The following CTNND1 variants were observed in gnomAD, a reference collection of about 807,000 sequenced individuals.
The protein encoded by CTNND1 is catenin delta 1, also known as catenin delta-1.
CTNND1 carries 16 observed loss-of-function variants against 112.1 expected under a neutral mutation model. The observed-to-expected ratio is 0.14, with a 90% CI of 0.10 to 0.22. The LOEUF is 0.22. Ranked by LOEUF, CTNND1 falls within the 10% of genes least tolerant of loss-of-function variation. The pLI is 1.00. For synonymous variants in CTNND1, 420 were observed against 446.5 expected (o/e 0.94, Z 0.75); for missense variants, 1,008 against 1,257.0 (o/e 0.80, Z 3.00).
intron 3 of CTNND1, among the ~76,000 whole-genome samples, chr11:57,792,732 T>C (rs1565326078): frequency 6.6e-6 from 1 of 152,132 alleles, no homozygotes; most frequent in Non-Finnish European, 1.5e-5. Context: ...GGTTTCACCA[T>C]GTTGGCCAGG....
chr11:57,778,330 T>G (rs1345724117), intron 1 of CTNND1, among the ~76,000 whole-genome samples: 1 of 152,148 alleles, frequency 6.6e-6, no homozygotes, highest in African/African-American at 2.4e-5. Flanking sequence ...AAAGTAGTTC[T>G]CCAAATGGGA....
chr11:57,802,244 G>A (rs755413054), intron 7 of CTNND1, 48 bp downstream of exon 7: 1 of 1,476,476 alleles, frequency 6.8e-7, no homozygotes, highest in Non-Finnish European at 9.2e-7. Context: ...TTACTCTCTA[G>A]TGATGTTGAG....
At position 57,806,540 on chromosome 11, in the gene CTNND1, C is replaced by G; in HGVS notation, c.1894+62C>G. The G allele has an allele frequency of 2.8e-6, 4 of 1,424,626 alleles. No homozygotes were observed. In the South Asian group the frequency reaches 4.9e-5, roughly 17 times the overall value. 88.2% of individuals were successfully genotyped at this position (1,424,626 alleles called of 1,614,324 possible). A position where few individuals can be genotyped will look rare whatever the true frequency, so the allele number is the denominator to read the frequency against. ...ATTTGCATGTTTTGATTTTAGCTTC[C>G]CTAGTATGTCCTTGCCTAACCTTTC... On this transcript the variant is annotated intron_variant, in intron 11 of 20. Transcript: ENST00000399050.
At chr11:57,793,962 C>T in intron 3 of CTNND1, 48 bp from the exon 4 acceptor site, 2 of 1,588,676 alleles carry the variant, frequency 1.3e-6, no homozygotes, top group Non-Finnish European at 1.7e-6. Flanking sequence ...TTTGATAGAG[C>T]AAAAGAAGGC....
At chr11:57,814,047 G>A (rs2063673268) in intron 17 of CTNND1, 2 of 374,174 alleles carry the variant, frequency 5.3e-6, no homozygotes, top group Non-Finnish European at 9.8e-6. Flanking sequence ...AGGTGTGATG[G>A]CTCACACCTG....
intron 1 of CTNND1, among the ~76,000 whole-genome samples, chr11:57,775,077 A>AG (rs1953822629): frequency 6.6e-6 from 1 of 150,548 alleles, no homozygotes; most frequent in Non-Finnish European, 1.5e-5. Flanking sequence ...ACTGATGTAG[A>AG]GGGGGGATTT....
chr11:57,784,911 T>C (rs567369344), intron 1 of CTNND1, among the ~76,000 whole-genome samples: 36 of 152,328 alleles, frequency 2.4e-4, no homozygotes, highest in African/African-American at 8.4e-4. Context: ...ACCCAAAGAT[T>C]GGTGAACTTC....
chr11:57,795,830 C>T (rs2136893955), intron 5 of CTNND1, 101 bp downstream of exon 5: 4 of 1,189,332 alleles, frequency 3.4e-6, no homozygotes, highest in Non-Finnish European at 4.5e-6. Context: ...ACTGATATGC[C>T]ATTATTGATC....
chr11:57,797,842 CAAA>C (rs771815069), intron 6 of CTNND1, among the ~76,000 whole-genome samples: 2 of 68,912 alleles, frequency 2.9e-5, no homozygotes, highest in Admixed American at 1.9e-4. Context: ...AACTCCACCT[CAAA>C]AAAAAAAAAA....
At chr11:57,776,592 C>T (rs1954286020) in intron 1 of CTNND1, among the ~76,000 whole-genome samples, 2 of 152,128 alleles carry the variant, frequency 1.3e-5, no homozygotes, top group Non-Finnish European at 2.9e-5. Context: ...AGGTCTTGGG[C>T]CCTCCAGAGG....
At chr11:57,806,722 A>G (rs944900825) in intron 11 of CTNND1, 193 bp from the exon 12 acceptor site, 12 of 631,876 alleles carry the variant, frequency 1.9e-5, no homozygotes, top group South Asian at 1.6e-4. Flanking sequence ...CATCTTACCT[A>G]TCTGCTGCCT....
In CTNND1 at chr11:57,796,630, C is replaced by A. The variant is rs767933605; in HGVS notation, c.594C>A (p.Gly198=). The change falls in exon 6 of 21, where the codon GGC becomes GGA. Residue 198 remains glycine (G), a synonymous_variant. Coordinates refer to ENST00000399050, the MANE Select transcript of CTNND1 (RefSeq NM_001085458.2). ...CTGGTCCCTATGTGGGGCAAGCTGG[C>A]ACTGCTACCCTTCCTAGGAACTTCC... ...GGPGPYVGQA[G]TATLPRNFHY... 1.2e-6 allele frequency: 2 copies of A among 1,614,036 alleles called. No individual in the cohort carries two copies. Among genetic ancestry groups the A allele is most frequent in the Non-Finnish European group, 1.7e-6 (2 of 1,179,902 alleles).
At chr11:57,784,024 A>G (rs904654873) in intron 1 of CTNND1, among the ~76,000 whole-genome samples, 3 of 151,864 alleles carry the variant, frequency 2.0e-5, no homozygotes, top group African/African-American at 7.3e-5. Flanking sequence ...GACTCAAGCA[A>G]TTCTCCCACC....
At chr11:57,785,275 G>T (rs2060008521) in intron 1 of CTNND1, among the ~76,000 whole-genome samples, 1 of 152,128 alleles carries the variant, frequency 6.6e-6, no homozygotes, top group African/African-American at 2.4e-5. Flanking sequence ...ATTTTTCTAA[G>T]CACTTTACAT....
chr11:57,809,127 C>T lies in CTNND1; in HGVS notation c.2243-147C>T, dbSNP rs2063045994. The T allele has an allele frequency of 8.4e-6, 5 of 592,082 alleles. No individual in the cohort carries two copies. In the Admixed American group the frequency reaches 1.6e-4, roughly 19 times the overall value. The allele number at this position is 592,082 out of a possible 1,614,324, so 36.7% of individuals were successfully genotyped here. A position where few individuals can be genotyped will look rare whatever the true frequency, so the allele number is the denominator to read the frequency against. ...CCATGGCTATTTCAGGTCCTTAGCC[C>T]TTTTGATATGATAATCCTATAGGAT... On this transcript the variant is annotated intron_variant, in intron 14 of 20. Coordinates refer to ENST00000399050, the MANE Select transcript of CTNND1 (RefSeq NM_001085458.2).
intron 17 of CTNND1, among the ~76,000 whole-genome samples, chr11:57,812,554 T>C (rs2063492779): frequency 1.3e-5 from 2 of 152,196 alleles, no homozygotes; most frequent in Admixed American, 6.5e-5. Flanking sequence ...ATTGTTTTTC[T>C]ACCCTTGAGT....
At chr11:57,802,396 A>C (rs2062094031) in intron 7 of CTNND1, among the ~76,000 whole-genome samples, 200 bp downstream of exon 7, 2 of 152,366 alleles carry the variant, frequency 1.3e-5, no homozygotes, top group Middle Eastern at 3.4e-3. Context: ...TTTAAAATTC[A>C]GAAGATTTCA....
intron 10 of CTNND1, among the ~76,000 whole-genome samples, 161 bp from the exon 11 acceptor site, chr11:57,806,300 T>G (rs1591615556): frequency 6.6e-6 from 1 of 152,270 alleles, no homozygotes; most frequent in Admixed American, 6.5e-5. Flanking sequence ...TCAACTAATC[T>G]GGGACCTTCT....
At chr11:57,763,223 TTATA>T (rs1950251946) in intron 1 of CTNND1, among the ~76,000 whole-genome samples, 1 of 152,188 alleles carries the variant, frequency 6.6e-6, no homozygotes, top group Non-Finnish European at 1.5e-5. Context: ...TTCTAGATAA[TTATA>T]TAGCCAACTC....
Sources: allele counts gnomAD v4.1 joint callset (sites outside exome capture counted in the v4.1 genomes callset), GRCh38; gene constraint gnomAD v4.1.1; transcripts MANE v1.5; gene names NCBI Gene and HGNC (gene_info 2026-07-23, HGNC 2026-07-21).